Variants in USP5 observed in about 807,000 individuals in gnomAD.
The protein encoded by USP5 is ubiquitin specific peptidase 5, also known as ubiquitin carboxyl-terminal hydrolase 5.
A neutral mutation model predicts 102.5 loss-of-function variants in USP5; 24 were observed. The ratio of observed to expected loss-of-function variants is 0.23; its 90% confidence interval spans 0.17 to 0.33. The LOEUF (loss-of-function observed/expected upper bound fraction) is 0.33, where lower values mean the gene tolerates loss of function less well. Among genes scored for constraint, USP5 ranks in the 10% least tolerant of loss-of-function variants. The probability of loss-of-function intolerance (pLI) is 1.00; values close to 1 mark genes in which losing one functional copy is unlikely to be tolerated. For synonymous variants in USP5, 460 were observed against 434.8 expected, an observed-to-expected ratio of 1.06 and a Z score of -0.72; for missense variants, 753 against 1,122.1, an observed-to-expected ratio of 0.67 and a Z score of 4.70.
At position 6,863,789 on chromosome 12, in the gene USP5, G is replaced by T. The variant is rs1555130076; in HGVS notation, c.1955-41G>T. On this transcript the variant is annotated intron_variant, in intron 15 of 19. Coordinates refer to ENST00000229268, the MANE Select transcript of USP5 (RefSeq NM_001098536.2). The surrounding 1 kb of genome is among the most constrained non-coding windows in gnomAD (Gnocchi z 4.7). ...GGGGAGGGAGGAGGAGCAAACAGTG[G>T]CCCAATCAGTCGGTCCGTGTACCCA... 3 of 1,523,032 alleles carry T rather than the reference G, an allele frequency of 2.0e-6. No individual in the cohort carries two copies. The Admixed American group carries it at 6.2e-5, about 32-fold the overall frequency. 94.3% of individuals were successfully genotyped at this position (1,523,032 alleles called of 1,614,324 possible). A position where few individuals can be genotyped will look rare whatever the true frequency, so the allele number is the denominator to read the frequency against.
chr12:6,852,732 A>G (rs1363780942), intron 1 of USP5, among the ~76,000 whole-genome samples: 1 of 151,808 alleles, frequency 6.6e-6, no homozygotes, highest in Non-Finnish European at 1.5e-5. Context: ...GGGGGTGGGG[A>G]CCGCAGTTCC....
At chr12:6,857,889 T>C (rs1944167300) in intron 7 of USP5, among the ~76,000 whole-genome samples, 166 bp downstream of exon 7, 1 of 152,236 alleles carries the variant, frequency 6.6e-6, no homozygotes, top group Non-Finnish European at 1.5e-5. Flanking sequence ...CAGTGAATAG[T>C]ACTGAGTACC....
rs782411117 is a variant in USP5, at chr12:6,857,328, G to T, written c.770-301G>T. 5 of 363,024 alleles carry T rather than the reference G, an allele frequency of 1.4e-5. No individual in the cohort carries two copies. In the East Asian group the frequency reaches 2.0e-4, roughly 14 times the overall value. The allele number at this position is 363,024 out of a possible 1,614,324, so 22.5% of individuals were successfully genotyped here. A position where few individuals can be genotyped will look rare whatever the true frequency, so the allele number is the denominator to read the frequency against. ...ATACTGCAGATGAGACTAAATTTTT[G>T]ATTACTCCCCACTCAAATCCTCATC... On this transcript the variant is annotated intron_variant, in intron 6 of 19. Transcript: ENST00000229268.
Position 6,861,535 on chromosome 12 carries a change from T to C in USP5, c.1591T>C (p.Ser531Pro). 4 of 1,602,392 alleles carry C rather than the reference T, an allele frequency of 2.5e-6. No individual in the cohort carries two copies. Among genetic ancestry groups the C allele is most frequent in the Non-Finnish European group, 3.4e-6 (4 of 1,170,560 alleles). The change falls in exon 13 of 20, where the codon TCT (serine) becomes CCT (proline). Residue 531 changes from serine to proline, a missense_variant. Around this residue, in one of 3 missense-constraint regions of USP5, gnomAD observed 527 missense variants for 816.5 expected, o/e 0.65. Transcript: ENST00000229268. This position sits in a 1 kb window ranked among gnomAD's most constrained non-coding sequence, Gnocchi z 4.9. ...GGTTCGGGCCCAGGTGCCCTTCAGCTCTTGCCTGGAGGCCTACGGGGCCCC... is the reference window on the plus strand; with the variant it reads ...GGTTCGGGCCCAGGTGCCCTTCAGCCCTTGCCTGGAGGCCTACGGGGCCCC... ...ELVRAQVPFS[S>P]CLEAYGAPEQ...
chr12:6,861,156 A>G lies in USP5; in HGVS notation c.1498+50A>G, dbSNP rs1555129468. On this transcript the variant is annotated intron_variant, in intron 12 of 19. Coordinates refer to ENST00000229268, the MANE Select transcript of USP5 (RefSeq NM_001098536.2). This position sits in a 1 kb window ranked among gnomAD's most constrained non-coding sequence, Gnocchi z 4.9. ...GTGGCACGGTGGGAGGCTAAGGTCT[A>G]GGAGGAATGCTTGGGCACCTCATGG... 7 of 1,603,472 alleles carry G rather than the reference A, an allele frequency of 4.4e-6. No individual in the cohort carries two copies. Among genetic ancestry groups the G allele is most frequent in the African/African-American group, 4.0e-5 (3 of 74,610 alleles).
Position 6,860,051 on chromosome 12 carries a change from TGA to T in USP5, c.1131-96_1131-95del, listed in dbSNP as rs1944232803. 3.8e-6 allele frequency: 5 copies of T among 1,307,348 alleles called. No individual in the cohort carries two copies. Among genetic ancestry groups the T allele is most frequent in the Non-Finnish European group, 5.4e-6 (5 of 926,512 alleles). 81.0% of individuals were successfully genotyped at this position (1,307,348 alleles called of 1,614,324 possible). A position where few individuals can be genotyped will look rare whatever the true frequency, so the allele number is the denominator to read the frequency against. ...TAGAATCTAAGGTTTTTCACGTTGTTGAGAGTTAGCTAGGGAGAGCCACGAGC... is the reference window on the plus strand; with the variant it reads ...TAGAATCTAAGGTTTTTCACGTTGTTGAGTTAGCTAGGGAGAGCCACGAGC... On this transcript the variant is annotated intron_variant, in intron 9 of 19. Transcript: ENST00000229268. The surrounding 1 kb of genome is among the most constrained non-coding windows in gnomAD (Gnocchi z 5.5).
chr12:6,865,921 C>T, intron 19 of USP5, 63 bp from the exon 20 acceptor site: 2 of 1,437,128 alleles, frequency 1.4e-6, no homozygotes, highest in Non-Finnish European at 2.0e-6. Flanking sequence ...GTCTGAGAGA[C>T]TACATGATGC....
In USP5 at chr12:6,859,561, G is replaced by A. The variant is rs782096600; in HGVS notation, c.1130+20G>A. On this transcript the variant is annotated intron_variant, in intron 9 of 19. Coordinates refer to ENST00000229268, the MANE Select transcript of USP5 (RefSeq NM_001098536.2). ...CCAGGTGTATGTAACCAGGTCCTAT[G>A]TAGGAAAGCTGTTGACAGTCATGGC... The A allele has an allele frequency of 3.2e-5, 52 of 1,613,372 alleles. No homozygotes were observed. The South Asian group carries it at 5.2e-4, about 16-fold the overall frequency.
At position 6,861,936 on chromosome 12, in the gene USP5, G is replaced by A. The variant is rs1555129657; in HGVS notation, c.1673+319G>A. On this transcript the variant is annotated intron_variant, in intron 13 of 19. Transcript: ENST00000229268. This position sits in a 1 kb window ranked among gnomAD's most constrained non-coding sequence, Gnocchi z 4.9. ...TAGGATCAGCTGTGGGCAGAATTTG[G>A]ATTTCCAGCAAATAGCCACACTTTG... is the stretch of plus-strand genomic sequence containing the variant. Among the ~76,000 whole-genome samples, 2 of 152,058 alleles carry A rather than the reference G, an allele frequency of 1.3e-5. No homozygotes were observed. Among genetic ancestry groups the A allele is most frequent in the African/African-American group, 4.8e-5 (2 of 41,408 alleles).
chr12:6,865,866 T>G, intron 19 of USP5, 118 bp from the exon 20 acceptor site: 1 of 847,814 alleles, frequency 1.2e-6, no homozygotes. Context: ...GGGCTGTGGA[T>G]TTGGGGTATG....
At chr12:6,865,600 C>G (rs1298056099) in intron 19 of USP5, among the ~76,000 whole-genome samples, 1 of 152,188 alleles carries the variant, frequency 6.6e-6, no homozygotes, top group East Asian at 1.9e-4. Flanking sequence ...TCACTGGAAC[C>G]TGGACACACT....
rs1944076480 is a variant in USP5 at position 6,855,337 on chromosome 12, G to T, written c.112-64G>T. On this transcript the variant is annotated intron_variant, in intron 1 of 19. Transcript: ENST00000229268. The surrounding 1 kb of genome is among the most constrained non-coding windows in gnomAD (Gnocchi z 4.6). ...CAGCAGTTTCTGACTCCAGGTTTTG[G>T]TTTCCTCACCTGACCAGGCTTCATA... 1.3e-6 allele frequency: 2 copies of T among 1,588,820 alleles called. No homozygotes were observed. The highest frequency in any genetic ancestry group is 1.7e-6 in the Non-Finnish European group (2 of 1,167,688).
rs782677777 is a variant in USP5 at position 6,860,100 on chromosome 12, A to G, written c.1131-51A>G. Reference sequence around the variant, plus strand: ...GAGCAGGGGGTTGAGCTGGGGACACACAGGGTCGTTAGTTGACTGAAGTGA... The same window carrying G: ...GAGCAGGGGGTTGAGCTGGGGACACGCAGGGTCGTTAGTTGACTGAAGTGA... On this transcript the variant is annotated intron_variant, in intron 9 of 19. Transcript: ENST00000229268. This position sits in a 1 kb window ranked among gnomAD's most constrained non-coding sequence, Gnocchi z 5.5. 6.3e-7 allele frequency: 1 copy of G among 1,595,106 alleles called. No individual in the cohort carries two copies. The highest frequency in any genetic ancestry group is 8.5e-7 in the Non-Finnish European group (1 of 1,171,960).
Position 6,856,140 on chromosome 12 carries a change from T to C in USP5, c.428T>C (p.Val143Ala). 1 of 1,614,140 alleles carries C rather than the reference T, an allele frequency of 6.2e-7. No individual in the cohort carries two copies. The highest frequency in any genetic ancestry group is 1.1e-5 in the South Asian group (1 of 91,076). The change falls in exon 4 of 20, where the codon GTC becomes GCC. Residue 143 changes from valine (V) to alanine (A), a missense_variant. Coordinates refer to ENST00000229268, the MANE Select transcript of USP5 (RefSeq NM_001098536.2). The surrounding 1 kb of genome is among the most constrained non-coding windows in gnomAD (Gnocchi z 5.6). ...GGACTGGGGGGACTGCCTGACATTG[T>C]CAGAGATCGGGTATGACTGCCCCCT... Reference protein sequence around the residue: ...RDGLGGLPDIVRDRVTSAVEA... With the variant: ...RDGLGGLPDIARDRVTSAVEA...
intron 7 of USP5, 118 bp downstream of exon 7, chr12:6,857,841 A>G: frequency 1.1e-6 from 1 of 891,244 alleles, no homozygotes. Context: ...CATCCCCAAG[A>G]TACACAGGCT....
intron 1 of USP5, among the ~76,000 whole-genome samples, chr12:6,853,319 A>G (rs1188694302): frequency 6.6e-6 from 1 of 152,250 alleles, no homozygotes; most frequent in Non-Finnish European, 1.5e-5. Flanking sequence ...TGAGTAGAAC[A>G]GCATGATGTG....
In USP5 at chr12:6,866,287, A is replaced by T; in HGVS notation, c.*210A>T. 1.8e-6 allele frequency: 1 copy of T among 552,784 alleles called. No homozygotes were observed. Among genetic ancestry groups the T allele is most frequent in the Non-Finnish European group, 3.2e-6 (1 of 307,986 alleles). 34.2% of individuals were successfully genotyped at this position (552,784 alleles called of 1,614,324 possible). ...GGGGATGGAGCAGGACGGGGACGGGAGGGGCCGGCCACCTGTCTGTAAGGA... is the reference window on the plus strand; with the variant it reads ...GGGGATGGAGCAGGACGGGGACGGGTGGGGCCGGCCACCTGTCTGTAAGGA... On this transcript the variant is annotated 3_prime_UTR_variant, in exon 20 of 20. Transcript: ENST00000229268. The surrounding 1 kb of genome is among the most constrained non-coding windows in gnomAD (Gnocchi z 4.7).
intron 8 of USP5, among the ~76,000 whole-genome samples, chr12:6,859,091 G>C (rs781808600): frequency 6.6e-6 from 1 of 152,086 alleles, no homozygotes; most frequent in East Asian, 1.9e-4. Context: ...TGGGGAGGAG[G>C]GGGGCTTGGC....
In USP5 at chr12:6,860,590, C is replaced by T. The variant is rs1944250664; in HGVS notation, c.1344+99C>T. On this transcript the variant is annotated intron_variant, in intron 11 of 19. Coordinates refer to ENST00000229268, the MANE Select transcript of USP5 (RefSeq NM_001098536.2). The surrounding 1 kb of genome is among the most constrained non-coding windows in gnomAD (Gnocchi z 5.5). ...CTATCAGCCCCAACCCAGTCCCATC[C>T]CTGAACCCCAACAGTCTGTGTCCCT... 1.3e-5 allele frequency: 20 copies of T among 1,562,778 alleles called. No individual in the cohort carries two copies. Among genetic ancestry groups the T allele is most frequent in the Non-Finnish European group, 1.7e-5 (20 of 1,154,444 alleles).
Sources: allele counts gnomAD v4.1 joint callset (sites outside exome capture counted in the v4.1 genomes callset), GRCh38; gene constraint gnomAD v4.1.1; regional missense constraint gnomAD v4.1.1; non-coding constraint Gnocchi (gnomAD v3.1); transcripts MANE v1.5; gene names NCBI Gene and HGNC (gene_info 2026-07-23, HGNC 2026-07-21).